The following RB1CC1 variants were observed in gnomAD, a reference collection of about 807,000 sequenced individuals.
RB1CC1 encodes the protein RB1 inducible coiled-coil 1, also known as RB1-inducible coiled-coil protein 1.
RB1CC1 carries 46 observed loss-of-function variants against 177.5 expected under a neutral mutation model. The observed-to-expected ratio is 0.26, with a 90% CI of 0.20 to 0.33. The LOEUF is 0.33. RB1CC1 is among the 10% of genes least tolerant of loss of function. RB1CC1 has a pLI of 1.00. For synonymous variants in RB1CC1, 666 were observed against 613.6 expected (o/e 1.09, Z -1.26); for missense variants, 1,703 against 1,816.3 (o/e 0.94, Z 1.13).
intron 1 of RB1CC1, among the ~76,000 whole-genome samples, chr8:52,699,826 A>ATT (rs1194132595): frequency 1.2e-5 from 1 of 80,904 alleles, no homozygotes. Flanking sequence ...AAAAAAAAAA[A>ATT]AAAAATATAT....
intron 8 of RB1CC1, among the ~76,000 whole-genome samples, chr8:52,666,518 C>CAA (rs1158339036): frequency 2.3e-5 from 3 of 131,066 alleles, no homozygotes; most frequent in African/African-American, 6.0e-5. Flanking sequence ...AACTTCCTCT[C>CAA]AAAAAAAAAA....
intron 15 of RB1CC1, among the ~76,000 whole-genome samples, chr8:52,651,182 CCA>C (rs1262301133): frequency 6.6e-6 from 1 of 152,126 alleles, no homozygotes; most frequent in African/African-American, 2.4e-5. Flanking sequence ...GGTGTAATGA[CCA>C]CAGATTCCAG....
rs1181638958 is a variant in RB1CC1 at position 52,683,724 on chromosome 8, A to G, written c.199-5T>C. On this transcript the variant is annotated splice_polypyrimidine_tract_variant and splice_region_variant and intron_variant, in intron 4 of 23. Coordinates refer to ENST00000025008, the MANE Select transcript of RB1CC1 (RefSeq NM_014781.5). Reference sequence around the variant, plus strand: ...AAGAAAAATTGGATTTGTATCCTATATTTTTTAAAAAAGGAGAAATAACCA... The same window carrying G: ...AAGAAAAATTGGATTTGTATCCTATGTTTTTTAAAAAAGGAGAAATAACCA... The G allele has an allele frequency of 6.4e-6, 10 of 1,570,392 alleles. No homozygotes were observed. The Admixed American group carries it at 1.4e-4, about 21-fold the overall frequency.
chr8:52,709,458 G>A (rs940020104), intron 1 of RB1CC1, among the ~76,000 whole-genome samples: 6 of 151,980 alleles, frequency 3.9e-5, no homozygotes, highest in African/African-American at 1.5e-4. Flanking sequence ...TTAGAATTAG[G>A]CCAGACACAG....
In RB1CC1 at chr8:52,656,222, C is replaced by T. The variant is rs904094709; in HGVS notation, c.3607G>A (p.Glu1203Lys). 6.2e-6 allele frequency: 10 copies of T among 1,613,234 alleles called. No homozygotes were observed. The African/African-American group carries it at 6.7e-5, about 11-fold the overall frequency. Residue 1203 changes from glutamate to lysine, a missense_variant, in exon 15 of 24, where the codon GAG becomes AAG. This residue lies in a region of RB1CC1 where 1,169 missense variants were observed against 1,184.7 expected (regional missense o/e 0.99). Transcript: ENST00000025008. Reference protein sequence around the residue: ...QKDEKITQQEEKYEAIIQNLE... With the variant: ...QKDEKITQQEKKYEAIIQNLE... Reference sequence around the variant, plus strand: ...TTCTGGATAATAGCTTCGTATTTCTCTTCTTGTTGGGTAATTTTTTCATCT... The same window carrying T: ...TTCTGGATAATAGCTTCGTATTTCTTTTCTTGTTGGGTAATTTTTTCATCT...
chr8:52,623,916 TCACACACACA>T (rs113332634), intron 23 of RB1CC1, 57 bp from the exon 24 acceptor site: 2 of 864,874 alleles, frequency 2.3e-6, no homozygotes, highest in South Asian at 3.0e-5. Context: ...TCTCTCTCTC[TCACACACACA>T]CACACACACC....
chr8:52,626,815 TG>T (rs11305194), intron 22 of RB1CC1, among the ~76,000 whole-genome samples: 152,291 of 152,294 alleles, frequency 1, 76,144 homozygotes, highest in Non-Finnish European at 1. Flanking sequence ...GGAGTTGTCA[TG>T]GGGAAAGTGG....
Position 52,674,228 on chromosome 8 carries a change from A to C in RB1CC1, c.619T>G (p.Cys207Gly), listed in dbSNP as rs750008262. 14 of 1,611,974 alleles carry C rather than the reference A, an allele frequency of 8.7e-6. No individual in the cohort carries two copies. The highest frequency in any genetic ancestry group is 8.3e-5 in the Admixed American group (5 of 59,996). Reference sequence around the variant, plus strand: ...TCTCTGTAACTATGTCTGGTTAGGCACTCCAACAGTGGAATCTTGGCCATT... The same window carrying C: ...TCTCTGTAACTATGTCTGGTTAGGCCCTCCAACAGTGGAATCTTGGCCATT... ...SVMAKIPLLECLTRHSYRECL... is the reference protein window; with the variant it reads ...SVMAKIPLLEGLTRHSYRECL... Residue 207 changes from cysteine to glycine, a missense_variant, in exon 7 of 24, where the codon TGC becomes GGC. This residue lies in a region of RB1CC1 where 315 missense variants were observed against 304.9 expected (regional missense o/e 1.03). Transcript: ENST00000025008.
At chr8:52,655,968 TA>T in intron 15 of RB1CC1, 39 bp downstream of exon 15, 1 of 1,434,842 alleles carries the variant, frequency 7.0e-7, no homozygotes, top group Non-Finnish European at 9.5e-7. Context: ...GAATCACTGA[TA>T]TTTTAATTTT....
chr8:52,647,580 G>C (rs1372151079), intron 15 of RB1CC1, among the ~76,000 whole-genome samples: 5 of 152,056 alleles, frequency 3.3e-5, no homozygotes, highest in African/African-American at 4.8e-5. Flanking sequence ...ATAAAAATAG[G>C]TATAGGCAGG....
At chr8:52,639,060 T>C (rs946381330) in intron 18 of RB1CC1, among the ~76,000 whole-genome samples, 9 of 152,140 alleles carry the variant, frequency 5.9e-5, no homozygotes, top group Non-Finnish European at 7.4e-5. Context: ...TTTTTACACA[T>C]TTTTCAATAT....
Position 52,636,033 on chromosome 8 carries a change from C to A in RB1CC1, c.4374G>T (p.Arg1458=). 1 of 1,607,654 alleles carries A rather than the reference C, an allele frequency of 6.2e-7. No individual in the cohort carries two copies. Among genetic ancestry groups the A allele is most frequent in the Non-Finnish European group, 8.5e-7 (1 of 1,178,102 alleles). ...TACTTACTCGTTCTAACAGCATTAT[C>A]CGCTGTTTTTCTTCAGACAACATAT... ...NIHMLSEEKQ[R]IMLLERTLQL... Residue 1458 remains arginine, a synonymous_variant, in exon 19 of 24, where the codon CGG becomes CGT. Coordinates refer to ENST00000025008, the MANE Select transcript of RB1CC1 (RefSeq NM_014781.5).
intron 1 of RB1CC1, among the ~76,000 whole-genome samples, chr8:52,692,810 A>C (rs1347123833): frequency 1.3e-5 from 2 of 152,156 alleles, no homozygotes; most frequent in Non-Finnish European, 2.9e-5. Context: ...TACAAAAAAA[A>C]CCTCTTTCAA....
chr8:52,678,709 CAAAT>C (rs149570215), intron 5 of RB1CC1, among the ~76,000 whole-genome samples: 1,835 of 152,118 alleles, frequency 0.012, 43 homozygotes, highest in African/African-American at 0.043. Context: ...TGTTAATGAA[CAAAT>C]TTAGGTGAAA....
intron 8 of RB1CC1, among the ~76,000 whole-genome samples, chr8:52,662,022 A>C (rs369540990): frequency 2.1e-4 from 32 of 152,180 alleles, no homozygotes; most frequent in African/African-American, 5.5e-4. Context: ...TGTGTCTAGA[A>C]TCCTATAACA....
chr8:52,671,766 T>G (rs1353461365), intron 7 of RB1CC1, among the ~76,000 whole-genome samples: 1 of 152,194 alleles, frequency 6.6e-6, no homozygotes. Context: ...GTTACATAAA[T>G]GTGTAAATGT....
intron 1 of RB1CC1, among the ~76,000 whole-genome samples, chr8:52,695,848 G>A (rs183832325): frequency 4.8e-4 from 73 of 152,148 alleles, no homozygotes; most frequent in Admixed American, 9.2e-4. Context: ...GCTTTCCTTC[G>A]TTCCCTGACC....
At position 52,671,326 on chromosome 8, in the gene RB1CC1, G is replaced by A. The variant is rs187616239; in HGVS notation, c.1002+2519C>T. On this transcript the variant is annotated intron_variant, in intron 7 of 23. Coordinates refer to ENST00000025008, the MANE Select transcript of RB1CC1 (RefSeq NM_014781.5). ...TTGGAATTAATCTGCAAAAACGATA[G>A]ATTTAAACTGAATTTCCTTTTACGG... Among the ~76,000 whole-genome samples, 166 of 152,268 alleles carry A rather than the reference G, an allele frequency of 1.1e-3. 1 individual carries two copies. The highest frequency in any genetic ancestry group is 3.8e-3 in the African/African-American group (156 of 41,546).
At chr8:52,636,645 C>T (rs1253784766) in intron 18 of RB1CC1, among the ~76,000 whole-genome samples, 2 of 152,180 alleles carry the variant, frequency 1.3e-5, no homozygotes, top group South Asian at 2.1e-4. Context: ...CTTCAACATG[C>T]TACTTCTTTA....
Sources: gnomAD v4.1 joint callset for allele counts (sites outside exome capture counted in the v4.1 genomes callset) on GRCh38, gnomAD v4.1.1 for gene constraint, gnomAD v4.1.1 regional missense constraint, MANE v1.5 for transcripts, NCBI Gene and HGNC (gene_info 2026-07-23, HGNC 2026-07-21) for gene names.